The following PHKB variants were observed in gnomAD, a reference collection of about 807,000 sequenced individuals.
The protein encoded by PHKB is phosphorylase b kinase regulatory subunit beta.
A neutral mutation model predicts 152.1 loss-of-function variants in PHKB; 122 were observed. The observed-to-expected ratio is 0.80, with a 90% CI of 0.69 to 0.93. The LOEUF is 0.93. Among genes scored for constraint, PHKB ranks in the 40% least tolerant of loss-of-function variants. The pLI is 0.00. For missense variants in PHKB, 1,304 were observed against 1,328.4 expected (o/e 0.98, Z 0.29); for synonymous variants, 436 against 464.9 (o/e 0.94, Z 0.80).
At chr16:47,660,943 T>TGGA in intron 22 of PHKB, 124 bp downstream of exon 22, 1 of 916,634 alleles carries the variant, frequency 1.1e-6, no homozygotes, top group Non-Finnish European at 1.8e-6. Flanking sequence ...GGTGGATGAC[T>TGGA]TGTCTACTCC....
chr16:47,519,168 C>G (rs901105083), intron 6 of PHKB, among the ~76,000 whole-genome samples: 3 of 152,142 alleles, frequency 2.0e-5, no homozygotes, highest in African/African-American at 4.8e-5. Flanking sequence ...TTTATGAACT[C>G]AAGTGTCATT....
At chr16:47,638,462 T>G (rs956286131) in intron 14 of PHKB, among the ~76,000 whole-genome samples, 24 of 152,248 alleles carry the variant, frequency 1.6e-4, no homozygotes, top group African/African-American at 5.8e-4. Context: ...AGTAGTTCTC[T>G]GAGATAGGGA....
chr16:47,624,250 G>T (rs1432314495), intron 14 of PHKB, among the ~76,000 whole-genome samples: 2 of 152,238 alleles, frequency 1.3e-5, no homozygotes, highest in Middle Eastern at 3.4e-3. Flanking sequence ...AATTGAAAGG[G>T]ACACTGTAAC....
intron 7 of PHKB, among the ~76,000 whole-genome samples, chr16:47,574,873 A>C (rs544831987): frequency 1.3e-5 from 2 of 152,220 alleles, no homozygotes; most frequent in Non-Finnish European, 2.9e-5. Flanking sequence ...TGTCATCTGC[A>C]AAGAAACAGT....
intron 6 of PHKB, among the ~76,000 whole-genome samples, chr16:47,527,314 A>G (rs949477198): frequency 6.6e-6 from 1 of 152,182 alleles, no homozygotes; most frequent in African/African-American, 2.4e-5. Context: ...TAGAAGGAAG[A>G]AAGTAATAAA....
chr16:47,467,203 T>C (rs1969684113), intron 1 of PHKB, among the ~76,000 whole-genome samples: 1 of 152,230 alleles, frequency 6.6e-6, no homozygotes, highest in Non-Finnish European at 1.5e-5. Context: ...ACAACAAATA[T>C]GATTTCTTAT....
intron 1 of PHKB, among the ~76,000 whole-genome samples, chr16:47,469,819 G>A (rs1260356894): frequency 6.6e-6 from 1 of 152,104 alleles, no homozygotes; most frequent in Non-Finnish European, 1.5e-5. Context: ...CAAACAAATT[G>A]TGTCTAATGT....
At chr16:47,531,736 G>T (rs1597060403) in intron 6 of PHKB, among the ~76,000 whole-genome samples, 1 of 152,270 alleles carries the variant, frequency 6.6e-6, no homozygotes. Context: ...TGTTACGTTT[G>T]TGAGACAATG....
At chr16:47,599,292 A>T (rs1275418761) in intron 13 of PHKB, among the ~76,000 whole-genome samples, 1 of 152,158 alleles carries the variant, frequency 6.6e-6, no homozygotes. Flanking sequence ...GGCACCTGGG[A>T]TCTGGGATAT....
At position 47,669,281 on chromosome 16, in the gene PHKB, C is replaced by T; in HGVS notation, c.2494C>T (p.Gln832Ter). The stretch of plus-strand genomic sequence containing the variant: ...TAATCCTTTGTCTCCAAGAGTGATT[C>T]AAAACATCATCTATTATAAGTGTAA... ...ISNPLSPRVI[Q>*]NIIYYKCNTH... Residue 832 changes from glutamine (Q) to a stop codon, truncating the protein, a stop_gained, in exon 26 of 31, where the codon CAA becomes TAA. Transcript: ENST00000323584. LOFTEE classifies it high-confidence loss of function. 6.2e-7 allele frequency: 1 copy of T among 1,614,008 alleles called. No homozygotes were observed.
At chr16:47,512,397 C>T (rs1407719639) in intron 5 of PHKB, among the ~76,000 whole-genome samples, 2 of 152,070 alleles carry the variant, frequency 1.3e-5, no homozygotes, top group African/African-American at 4.8e-5. Flanking sequence ...GACTACAGTT[C>T]TTTCCGTGAC....
At chr16:47,512,296 A>G (rs1381528335) in intron 5 of PHKB, among the ~76,000 whole-genome samples, 1 of 152,228 alleles carries the variant, frequency 6.6e-6, no homozygotes, top group African/African-American at 2.4e-5. Flanking sequence ...TAGTTGTGGC[A>G]ATTGAACATG....
intron 6 of PHKB, among the ~76,000 whole-genome samples, chr16:47,541,572 A>G (rs544506098): frequency 6.6e-6 from 1 of 152,342 alleles, no homozygotes; most frequent in African/African-American, 2.4e-5. Context: ...GAATCACCAC[A>G]CTGTCTTCCA....
At chr16:47,610,681 G>A (rs1972410324) in intron 13 of PHKB, 145 bp from the exon 14 acceptor site, 8 of 676,818 alleles carry the variant, frequency 1.2e-5, no homozygotes, top group Non-Finnish European at 2.1e-5. Context: ...GGCCTAGTAT[G>A]TGGTATATCC....
At chr16:47,598,040 A>G (rs1972154633) in intron 13 of PHKB, 4 of 152,088 alleles carry the variant, frequency 2.6e-5, no homozygotes, top group Non-Finnish European at 5.9e-5. Context: ...CTATCAGAAA[A>G]CAGAGTAAAT....
intron 19 of PHKB, 28 bp from the exon 20 acceptor site, chr16:47,650,803 G>A: frequency 6.6e-7 from 1 of 1,512,158 alleles, no homozygotes; most frequent in Non-Finnish European, 9.2e-7. Flanking sequence ...TTGTTAATCT[G>A]TACATTTTGT....
chr16:47,667,026 CATTAAG>C (rs1242228384), intron 25 of PHKB, among the ~76,000 whole-genome samples: 7 of 152,064 alleles, frequency 4.6e-5, no homozygotes, highest in African/African-American at 1.7e-4. Flanking sequence ...GCTCTTAATT[CATTAAG>C]ATTAAAATTA....
At chr16:47,663,927 A>G in intron 24 of PHKB, 193 bp downstream of exon 24, 1 of 626,204 alleles carries the variant, frequency 1.6e-6, no homozygotes. Flanking sequence ...AAATTCTGAG[A>G]ACAAAGACAC....
At chr16:47,527,532 G>T (rs1970789087) in intron 6 of PHKB, among the ~76,000 whole-genome samples, 1 of 152,046 alleles carries the variant, frequency 6.6e-6, no homozygotes, top group Non-Finnish European at 1.5e-5. Flanking sequence ...AGAGAAAAAA[G>T]GAATCTTCTA....
Sources: allele counts gnomAD v4.1 joint callset (sites outside exome capture counted in the v4.1 genomes callset), GRCh38; gene constraint gnomAD v4.1.1; transcripts MANE v1.5; gene names NCBI Gene and HGNC (gene_info 2026-07-23, HGNC 2026-07-21).